The following EEIG2 variants were observed in gnomAD, a reference collection of about 807,000 sequenced individuals.
EEIG2 encodes the protein EEIG family member 2.
chr1:108,606,256 A>G, the EEIG2 span: 1 of 1,558,228 alleles, frequency 6.4e-7, no homozygotes, highest in Non-Finnish European at 8.7e-7. Flanking sequence ...TGCAAAGGTA[A>G]GCAGATGTTC....
At chr1:108,598,945 C>T in the EEIG2 span, among the ~76,000 whole-genome samples, 3 of 151,906 alleles carry the variant, frequency 2.0e-5, no homozygotes, top group Non-Finnish European at 4.4e-5. Context: ...ACAGGAGTAT[C>T]ACTTGAGCCC....
At chr1:108,560,171 T>C in the EEIG2 span, 14 of 157,518 alleles carry the variant, frequency 8.9e-5, no homozygotes, top group South Asian at 3.5e-4. Flanking sequence ...GGCGCTCACC[T>C]CCCCGGGCGA....
chr1:108,623,484 G>A, the EEIG2 span, among the ~76,000 whole-genome samples: 6 of 152,246 alleles, frequency 3.9e-5, no homozygotes, highest in South Asian at 1.2e-3. Flanking sequence ...GACAAAGCGA[G>A]ACCCTGTCTC....
the EEIG2 span, among the ~76,000 whole-genome samples, chr1:108,618,784 C>T: frequency 6.6e-6 from 1 of 150,958 alleles, no homozygotes; most frequent in Non-Finnish European, 1.5e-5. Flanking sequence ...TTGCAGTGAG[C>T]CAAGATTGCA....
chr1:108,613,765 C>A, the EEIG2 span, among the ~76,000 whole-genome samples: 4 of 152,046 alleles, frequency 2.6e-5, no homozygotes, highest in Non-Finnish European at 5.9e-5. Flanking sequence ...CTCAGGTCAT[C>A]ATTTTTCCAT....
chr1:108,588,366 CTT>C, the EEIG2 span, among the ~76,000 whole-genome samples: 5 of 152,100 alleles, frequency 3.3e-5, no homozygotes, highest in African/African-American at 1.2e-4. Flanking sequence ...CTCACCAACA[CTT>C]TGTCTTTTGT....
chr1:108,620,670 A>G, the EEIG2 span, among the ~76,000 whole-genome samples: 2 of 152,198 alleles, frequency 1.3e-5, no homozygotes, highest in African/African-American at 2.4e-5. Context: ...CTGTCTCTCA[A>G]TTCTTAAAAC....
the EEIG2 span, among the ~76,000 whole-genome samples, chr1:108,563,318 T>TTA: frequency 6.6e-5 from 10 of 152,204 alleles, no homozygotes; most frequent in Non-Finnish European, 1.5e-4. Context: ...GAGTCTCTAA[T>TTA]GAGTTTCCCT....
At chr1:108,610,393 A>G in the EEIG2 span, among the ~76,000 whole-genome samples, 1 of 152,208 alleles carries the variant, frequency 6.6e-6, no homozygotes, top group African/African-American at 2.4e-5. Context: ...GTAAAAGCTT[A>G]TGGAAGTTAA....
At chr1:108,593,108 A>C in the EEIG2 span, among the ~76,000 whole-genome samples, 1 of 152,184 alleles carries the variant, frequency 6.6e-6, no homozygotes, top group Non-Finnish European at 1.5e-5. Flanking sequence ...CAGTGAGCTG[A>C]GATCACACCA....
the EEIG2 span, among the ~76,000 whole-genome samples, chr1:108,598,764 A>C: frequency 2.0e-5 from 3 of 152,202 alleles, no homozygotes; most frequent in South Asian, 2.1e-4. Context: ...ACACAAATAC[A>C]TACTTGATTT....
chr1:108,562,808 T>G, the EEIG2 span, among the ~76,000 whole-genome samples: 1 of 150,658 alleles, frequency 6.6e-6, no homozygotes, highest in Non-Finnish European at 1.5e-5. Flanking sequence ...TCCTAACAAC[T>G]ACAAAATTGT....
At chr1:108,639,193 T>G in the EEIG2 span, 1 of 152,100 alleles carries the variant, frequency 6.6e-6, no homozygotes, top group South Asian at 2.1e-4. Flanking sequence ...TTTTATTTCT[T>G]TGTTTCAACT....
the EEIG2 span, among the ~76,000 whole-genome samples, chr1:108,569,495 T>A: frequency 6.6e-6 from 1 of 152,086 alleles, no homozygotes. Flanking sequence ...ACATGCTAAA[T>A]TTTCTATTTT....
the EEIG2 span, chr1:108,624,590 T>C: frequency 6.7e-7 from 1 of 1,485,744 alleles, no homozygotes; most frequent in Non-Finnish European, 9.4e-7. Flanking sequence ...AATCAATAAC[T>C]ATTGTAAACT....
the EEIG2 span, among the ~76,000 whole-genome samples, chr1:108,598,438 G>A: frequency 8.0e-5 from 12 of 150,656 alleles, no homozygotes; most frequent in South Asian, 2.1e-4. Context: ...GTACAGGTTA[G>A]CAACTGCCCT....
At chr1:108,565,570 T>A in the EEIG2 span, among the ~76,000 whole-genome samples, 1 of 152,218 alleles carries the variant, frequency 6.6e-6, no homozygotes, top group South Asian at 2.1e-4. Context: ...TAGGAAGAAA[T>A]TTTTTCTATA....
At chr1:108,627,863 T>A in the EEIG2 span, 5 of 301,180 alleles carry the variant, frequency 1.7e-5, no homozygotes, top group South Asian at 2.6e-4. Flanking sequence ...AGTTTTAAGA[T>A]AGAGTGCTGT....
At chr1:108,625,142 C>A in the EEIG2 span, 4 of 161,916 alleles carry the variant, frequency 2.5e-5, no homozygotes, top group East Asian at 6.9e-4. Context: ...TCAGAGTCTC[C>A]TGGAGGGCTT....
Sources: gnomAD v4.1 joint callset for allele counts (sites outside exome capture counted in the v4.1 genomes callset) on GRCh38, gnomAD v4.1.1 for gene constraint, MANE v1.5 for transcripts, NCBI Gene and HGNC (gene_info 2026-07-23, HGNC 2026-07-21) for gene names.